MAMLD1: variants seen among roughly 807,000 people sequenced by gnomAD.
The protein encoded by MAMLD1 is mastermind-like domain-containing protein 1.
Under a neutral mutation model 45.0 loss-of-function variants are expected in MAMLD1, and 14 were observed. The observed-to-expected ratio is 0.31, with a 90% CI of 0.21 to 0.49. MAMLD1 has a LOEUF of 0.49. Among genes scored for constraint, MAMLD1 ranks in the 20% least tolerant of loss-of-function variants. The pLI is 0.99. For synonymous variants in MAMLD1, 254 were observed against 247.8 expected (o/e 1.02, Z -0.24); for missense variants, 543 against 603.6 (o/e 0.90, Z 1.05).
At chrX:150,509,109 C>T (rs1272998832) in intron 6 of MAMLD1, among the ~76,000 whole-genome samples, 1 of 111,817 alleles carries the variant, frequency 8.9e-6, no homozygotes, top group African/African-American at 3.2e-5. Context: ...TTGGCTCGCT[C>T]CTCCCCCTGC....
intron 5 of MAMLD1, among the ~76,000 whole-genome samples, chrX:150,491,315 TC>T (rs782106756): frequency 1.4e-3 from 160 of 111,941 alleles, no homozygotes; most frequent in African/African-American, 4.5e-3. Flanking sequence ...TCTGATATTT[TC>T]CAGTGCCCGC....
intron 5 of MAMLD1, among the ~76,000 whole-genome samples, chrX:150,487,473 T>G (rs2037029257): frequency 8.9e-6 from 1 of 112,319 alleles, no homozygotes; most frequent in Non-Finnish European, 1.9e-5. Flanking sequence ...AGCACAGCGG[T>G]CTGTGGGATG....
intron 1 of MAMLD1, among the ~76,000 whole-genome samples, chrX:150,441,024 TTAATAATTAA>T (rs1234945701): frequency 9.6e-6 from 1 of 104,495 alleles, no homozygotes; most frequent in Non-Finnish European, 1.9e-5. Context: ...ATTTAATAAT[TTAATAATTAA>T]TAATAATAAA....
intron 5 of MAMLD1, among the ~76,000 whole-genome samples, chrX:150,482,534 A>G (rs1272848103): frequency 8.9e-6 from 1 of 112,791 alleles, no homozygotes; most frequent in Non-Finnish European, 1.9e-5. Context: ...TATTTTTACC[A>G]CAATGAAAAA....
At chrX:150,388,206 G>A (rs190083187) in intron 1 of MAMLD1, among the ~76,000 whole-genome samples, 2 of 111,355 alleles carry the variant, frequency 1.8e-5, no homozygotes, top group Non-Finnish European at 3.8e-5. Flanking sequence ...AGGTATATAG[G>A]GCAATTTAGA....
At chrX:150,402,590 A>G (rs1233511776) in intron 1 of MAMLD1, among the ~76,000 whole-genome samples, 3 of 112,255 alleles carry the variant, frequency 2.7e-5, no homozygotes, top group Non-Finnish European at 5.6e-5. Context: ...CCAAAGGACT[A>G]TAAATCATGC....
chrX:150,398,342 A>G (rs377402635), intron 1 of MAMLD1, among the ~76,000 whole-genome samples: 684 of 65,037 alleles, frequency 0.011, 1 homozygote, highest in Non-Finnish European at 0.015. Context: ...GAAGAAGAAG[A>G]GGAAGAGGAA....
At chrX:150,468,846 C>T (rs1251606501) in intron 3 of MAMLD1, among the ~76,000 whole-genome samples, 6 of 110,903 alleles carry the variant, frequency 5.4e-5, no homozygotes, top group Admixed American at 2.9e-4. Flanking sequence ...GAGTCGTTCT[C>T]GTTAAAGACA....
intron 5 of MAMLD1, among the ~76,000 whole-genome samples, chrX:150,491,600 G>C (rs2148338977): frequency 8.9e-6 from 1 of 112,399 alleles, no homozygotes; most frequent in East Asian, 2.8e-4. Context: ...CAAAGAAGCA[G>C]GCAGCTCTGG....
intron 5 of MAMLD1, among the ~76,000 whole-genome samples, chrX:150,495,206 AAAAC>A (rs201099079): frequency 0.21 from 21,375 of 103,991 alleles, 1,689 homozygotes; most frequent in Middle Eastern, 0.36. Flanking sequence ...ATTCCGTCTC[AAAAC>A]AAACAAACAA....
chrX:150,418,997 G>A (rs1557403290), intron 1 of MAMLD1, among the ~76,000 whole-genome samples: 2 of 39,957 alleles, frequency 5.0e-5, no homozygotes, highest in Non-Finnish European at 9.0e-5. Flanking sequence ...TATCCTTGTT[G>A]ACTTTCTGTC....
intron 6 of MAMLD1, chrX:150,504,601 C>T (rs781823950): frequency 4.9e-4 from 257 of 529,391 alleles, no homozygotes; most frequent in African/African-American, 4.5e-3. Flanking sequence ...ATTAGCAAAA[C>T]GGACGTCGTC....
At chrX:150,460,258 G>C (rs2035994032) in intron 2 of MAMLD1, among the ~76,000 whole-genome samples, 1 of 111,639 alleles carries the variant, frequency 9.0e-6, no homozygotes, top group Admixed American at 9.5e-5. Flanking sequence ...TCTTGGGAAG[G>C]CTTTCCCACT....
In MAMLD1 at chrX:150,470,394, C is replaced by T. The variant is rs922336882; in HGVS notation, c.821C>T (p.Pro274Leu). 27 of 1,209,963 alleles carry T rather than the reference C, an allele frequency of 2.2e-5. No homozygotes were observed. The highest frequency in any genetic ancestry group is 3.0e-5 in the East Asian group (1 of 33,758). ...TCCACCAGTAAGCAGATAGTGTCACCGAGTTCTTCAATGGCACAGTCCAAG... is the reference window on the plus strand; with the variant it reads ...TCCACCAGTAAGCAGATAGTGTCACTGAGTTCTTCAATGGCACAGTCCAAG... ...IPSTSKQIVS[P>L]SSSMAQSKSQ... The change falls in exon 4 of 8, where the codon CCG becomes CTG. Residue 274 changes from proline to leucine, a missense_variant. Coordinates refer to ENST00000370401, the MANE Select transcript of MAMLD1 (RefSeq NM_005491.5).
chrX:150,391,075 A>T (rs1006207651), intron 1 of MAMLD1, among the ~76,000 whole-genome samples: 5 of 111,757 alleles, frequency 4.5e-5, no homozygotes, highest in Admixed American at 1.9e-4. Flanking sequence ...TTATTCTCTG[A>T]TTGCTCATAA....
chrX:150,394,030 G>A, intron 1 of MAMLD1, among the ~76,000 whole-genome samples: 1 of 104,121 alleles, frequency 9.6e-6, no homozygotes, highest in Non-Finnish European at 2.0e-5. Flanking sequence ...TTTTTCTTAT[G>A]TTATGCTCCA....
At chrX:150,487,506 A>G (rs1167491439) in intron 5 of MAMLD1, among the ~76,000 whole-genome samples, 1 of 112,402 alleles carries the variant, frequency 8.9e-6, no homozygotes, top group Non-Finnish European at 1.9e-5. Context: ...TGCAGAAAGC[A>G]GCTCTTTTCC....
rs1557409252 is a variant in MAMLD1 at position 150,512,650 on chromosome X, G to A, written c.*691G>A. The A allele has an allele frequency of 1.2e-5, 14 of 1,147,356 alleles. No individual in the cohort carries two copies. Among genetic ancestry groups the A allele is most frequent in the East Asian group, 3.3e-5 (1 of 30,595 alleles). 94.6% of individuals were successfully genotyped at this position (1,147,356 alleles called of 1,213,427 possible). On this transcript the variant is annotated 3_prime_UTR_variant, in exon 8 of 8. Coordinates refer to ENST00000370401, the MANE Select transcript of MAMLD1 (RefSeq NM_005491.5). Reference sequence around the variant, plus strand: ...TCAGGCAGAGCCCGGTACAGGGCCCGGTGCCTGTAGCAAACACCACCAAGT... The same window carrying A: ...TCAGGCAGAGCCCGGTACAGGGCCCAGTGCCTGTAGCAAACACCACCAAGT...
rs1248932985 is a variant in MAMLD1, at chrX:150,381,591, A to G, written c.-64+18061A>G. ...CCAGTAATCTGTTCTCCATTCCTAT[A>G]GTTTTGTTATTTCAAGAATGTTATG... On this transcript the variant is annotated intron_variant, in intron 1 of 7. Coordinates refer to ENST00000370401, the MANE Select transcript of MAMLD1 (RefSeq NM_005491.5). Among the ~76,000 whole-genome samples, 20 of 112,111 alleles carry G rather than the reference A, an allele frequency of 1.8e-4. No homozygotes were observed. In the Admixed American group the frequency reaches 1.9e-3, roughly 11 times the overall value.
Sources: allele counts gnomAD v4.1 joint callset (sites outside exome capture counted in the v4.1 genomes callset), GRCh38; gene constraint gnomAD v4.1.1; transcripts MANE v1.5; gene names NCBI Gene and HGNC (gene_info 2026-07-23, HGNC 2026-07-21).